Variants in NUF2 observed in about 807,000 individuals in gnomAD.
NUF2 encodes kinetochore protein Nuf2.
Under a neutral mutation model 61.8 loss-of-function variants are expected in NUF2, and 34 were observed. The ratio of observed to expected loss-of-function variants is 0.55; its 90% confidence interval spans 0.42 to 0.73. The LOEUF (loss-of-function observed/expected upper bound fraction) is 0.73, where lower values mean the gene tolerates loss of function less well. Ranked by LOEUF, NUF2 falls within the 30% of genes least tolerant of loss-of-function variation. NUF2 has a pLI of 0.00. For missense variants in NUF2, 445 were observed against 539.1 expected, an observed-to-expected ratio of 0.83 and a Z score of 1.73; for synonymous variants, 172 against 181.6, an observed-to-expected ratio of 0.95 and a Z score of 0.42.
chr1:163,326,404 TAAA>T (rs35847334), intron 2 of NUF2, among the ~76,000 whole-genome samples: 5 of 147,366 alleles, frequency 3.4e-5, no homozygotes, highest in African/African-American at 1.3e-4. Flanking sequence ...GTCGTTTTCT[TAAA>T]AAAAAAAAAG....
Position 163,338,523 on chromosome 1 carries a change from C to T in NUF2, c.509+430C>T, listed in dbSNP as rs1376100848. ...ATAGGTTATGTAGGGAAAAGAATCA[C>T]TCAACAGTTGTGATTTCTTGGCCTT... On this transcript the variant is annotated intron_variant, in intron 7 of 13. Transcript: ENST00000271452. Among the ~76,000 whole-genome samples the T allele has an allele frequency of 2.6e-5, 4 of 152,130 alleles. No homozygotes were observed. The East Asian group carries it at 5.8e-4, about 22-fold the overall frequency.
At position 163,340,367 on chromosome 1, in the gene NUF2, G is replaced by A. The variant is rs754940854; in HGVS notation, c.610G>A (p.Val204Met). ...ACGTGTTTGCTTTTTCCCTTAGATA[G>A]TGCTGCAAGAGGGAAATTCCCAAAA... is the stretch of plus-strand genomic sequence containing the variant. ...LNQDFHQKTIVLQEGNSQKKS... is the reference protein window; with the variant it reads ...LNQDFHQKTIMLQEGNSQKKS... Residue 204 changes from valine (V) to methionine (M), a missense_variant, in exon 9 of 14, where the codon GTG becomes ATG. By Grantham distance (21) the Val-to-Met change is conservative. Coordinates refer to ENST00000271452, the MANE Select transcript of NUF2 (RefSeq NM_145697.3). 1 of 1,610,130 alleles carries A rather than the reference G, an allele frequency of 6.2e-7. No homozygotes were observed. The highest frequency in any genetic ancestry group is 1.1e-5 in the South Asian group (1 of 90,536).
chr1:163,325,601 A>G (rs1178733359), intron 1 of NUF2, among the ~76,000 whole-genome samples: 5 of 152,110 alleles, frequency 3.3e-5, no homozygotes, highest in Non-Finnish European at 7.4e-5. Context: ...ACTGAATACA[A>G]TTTTTTATGC....
Position 163,345,753 on chromosome 1 carries a change from T to C in NUF2, c.883T>C (p.Leu295=), listed in dbSNP as rs201922994. Residue 295 remains leucine, a synonymous_variant, in exon 11 of 14, where the codon TTA becomes CTA. Transcript: ENST00000271452. Reference sequence around the variant, plus strand: ...GCCTTCATGTCAGTTGGAAGTGCAGTTATATCAAAAGAAAATACAGGACCT... The same window carrying C: ...GCCTTCATGTCAGTTGGAAGTGCAGCTATATCAAAAGAAAATACAGGACCT... The part of the protein sequence containing the change: ...CLPSCQLEVQ[L]YQKKIQDLSD... 3.1e-6 allele frequency: 5 copies of C among 1,610,270 alleles called. No individual in the cohort carries two copies. In the African/African-American group the frequency reaches 6.7e-5, roughly 21 times the overall value.
At chr1:163,348,916 AAAT>A in intron 12 of NUF2, 26 bp from the exon 13 acceptor site, 1 of 1,597,610 alleles carries the variant, frequency 6.3e-7, no homozygotes, top group Non-Finnish European at 8.5e-7. Flanking sequence ...GAAGAGGATT[AAAT>A]ATTAGCTGTC....
At chr1:163,345,880 T>C (rs897625433) in intron 11 of NUF2, 62 bp downstream of exon 11, 2 of 1,199,332 alleles carry the variant, frequency 1.7e-6, no homozygotes, top group African/African-American at 3.1e-5. Context: ...GTTCCTTGTA[T>C]TTTGCTTTCA....
intron 5 of NUF2, among the ~76,000 whole-genome samples, chr1:163,330,743 A>G (rs1299805115): frequency 2.0e-5 from 3 of 152,094 alleles, no homozygotes; most frequent in Non-Finnish European, 4.4e-5. Context: ...ATTTCTCATA[A>G]TGATGTACTA....
chr1:163,327,982 G>C (rs943402838), intron 3 of NUF2: 2 of 403,352 alleles, frequency 5.0e-6, no homozygotes, highest in African/African-American at 4.2e-5. Flanking sequence ...CAAATTATTT[G>C]CATAATACCT....
intron 3 of NUF2, 194 bp downstream of exon 3, chr1:163,327,756 A>G (rs943293309): frequency 5.5e-6 from 3 of 543,262 alleles, no homozygotes; most frequent in Admixed American, 3.5e-5. Flanking sequence ...GTTTATATCC[A>G]TAGATTTAGT....
intron 9 of NUF2, among the ~76,000 whole-genome samples, chr1:163,343,031 T>C (rs971409630): frequency 1.3e-5 from 2 of 152,156 alleles, no homozygotes; most frequent in African/African-American, 4.8e-5. Flanking sequence ...GGAATTTTTT[T>C]TGACATAATT....
intron 1 of NUF2, among the ~76,000 whole-genome samples, chr1:163,322,586 G>A (rs1650267013): frequency 6.6e-6 from 1 of 152,166 alleles, no homozygotes; most frequent in African/African-American, 2.4e-5. Flanking sequence ...AAAAGTTCAA[G>A]GAACGTTTTA....
rs1170669689 is a variant in NUF2, at chr1:163,343,996, G to A, written c.807+126G>A. On this transcript the variant is annotated intron_variant, in intron 10 of 13. Coordinates refer to ENST00000271452, the MANE Select transcript of NUF2 (RefSeq NM_145697.3). ...ACTTCTCTTCCTCTTAAACTTTTTT[G>A]ACCTTATTTCTAATCTGTAGCTTTT... The A allele has an allele frequency of 1.1e-5, 5 of 461,616 alleles. No individual in the cohort carries two copies. In the East Asian group the frequency reaches 1.9e-4, roughly 18 times the overall value. The allele number at this position is 461,616 out of a possible 1,614,324, so 28.6% of individuals were successfully genotyped here.
intron 13 of NUF2, among the ~76,000 whole-genome samples, chr1:163,351,232 A>G (rs1651305305): frequency 6.6e-6 from 1 of 152,188 alleles, no homozygotes; most frequent in African/African-American, 2.4e-5. Context: ...GACCCAAAAC[A>G]CATTTTTAGT....
At chr1:163,332,797 T>C (rs565283377) in intron 5 of NUF2, among the ~76,000 whole-genome samples, 2 of 152,316 alleles carry the variant, frequency 1.3e-5, no homozygotes, top group Non-Finnish European at 2.9e-5. Flanking sequence ...AATTTTCTCA[T>C]TTCAAGATCT....
At chr1:163,337,169 C>T (rs925887672) in intron 6 of NUF2, among the ~76,000 whole-genome samples, 13 of 151,868 alleles carry the variant, frequency 8.6e-5, no homozygotes, top group African/African-American at 2.4e-4. Flanking sequence ...TTGAAGTTTG[C>T]GTAGATAGTG....
chr1:163,348,092 A>G (rs531125828), intron 12 of NUF2, among the ~76,000 whole-genome samples, 154 bp downstream of exon 12: 1 of 152,294 alleles, frequency 6.6e-6, no homozygotes, highest in South Asian at 2.1e-4. Flanking sequence ...AGATGAGTTA[A>G]TTATAAAACT....
chr1:163,328,954 A>G, intron 5 of NUF2, 47 bp downstream of exon 5: 14 of 959,000 alleles, frequency 1.5e-5, no homozygotes, highest in Non-Finnish European at 1.9e-5. Context: ...TCGATCTACC[A>G]TTTCACCTTT....
intron 13 of NUF2, 135 bp from the exon 14 acceptor site, chr1:163,355,200 C>A: frequency 3.2e-6 from 2 of 629,124 alleles, no homozygotes; most frequent in Non-Finnish European, 5.3e-6. Flanking sequence ...CATAGACATG[C>A]ACATTTGTGT....
chr1:163,327,324 G>A (rs1219825746), intron 2 of NUF2, among the ~76,000 whole-genome samples, 164 bp from the exon 3 acceptor site: 2 of 152,088 alleles, frequency 1.3e-5, no homozygotes. Context: ...ATCATAAGGT[G>A]TTTTAAAATT....
Sources: gnomAD v4.1 joint callset for allele counts (sites outside exome capture counted in the v4.1 genomes callset) on GRCh38, gnomAD v4.1.1 for gene constraint, MANE v1.5 for transcripts, NCBI Gene and HGNC (gene_info 2026-07-23, HGNC 2026-07-21) for gene names.